Variants in AHNAK observed in about 807,000 individuals in gnomAD.
AHNAK encodes AHNAK nucleoprotein, also known as neuroblast differentiation-associated protein AHNAK.
Under a neutral mutation model 37.8 loss-of-function variants are expected in AHNAK, and 23 were observed. The observed-to-expected ratio is 0.61, with a 90% CI of 0.44 to 0.86. The LOEUF is 0.86. Among genes scored for constraint, AHNAK ranks in the 40% least tolerant of loss-of-function variants. AHNAK has a pLI of 0.00. For synonymous variants in AHNAK, 2,481 were observed against 2,636.3 expected (o/e 0.94, Z 1.80); for missense variants, 7,411 against 7,319.4 (o/e 1.01, Z -0.46).
intron 5 of AHNAK, among the ~76,000 whole-genome samples, chr11:62,435,024 A>C (rs539956196): frequency 1.3e-5 from 2 of 151,500 alleles, no homozygotes; most frequent in African/African-American, 4.8e-5. Context: ...ACTAGTCCCT[A>C]CACAAGTTTC....
rs867662124 is a variant in AHNAK, at chr11:62,459,211, G to A, written c.443-25320C>T. Among the ~76,000 whole-genome samples the A allele has an allele frequency of 3.3e-5, 5 of 152,154 alleles. No individual in the cohort carries two copies. The South Asian group carries it at 8.3e-4, about 25-fold the overall frequency. On this transcript the variant is annotated intron_variant, in intron 5 of 5. Coordinates refer to the AHNAK transcript ENST00000257247. ...CACAAATGTACTCACAGTTGAATGT[G>A]GACATGGGTGATATTTTGAGATTTC...
At position 62,543,538 on chromosome 11, in the gene AHNAK, G is replaced by A. The variant is rs147734664; in HGVS notation, c.-100+3122C>T. Reference sequence around the variant, plus strand: ...CAGTGACCTACCTAAGACTGCCAGCGACAGCTCAGCCACAGCCCTGGTGGG... The same window carrying A: ...CAGTGACCTACCTAAGACTGCCAGCAACAGCTCAGCCACAGCCCTGGTGGG... On this transcript the variant is annotated intron_variant, in intron 1 of 4. Transcript: ENST00000378024. Among the ~76,000 whole-genome samples the A allele has an allele frequency of 2.2e-3, 336 of 152,312 alleles. 1 individual carries two copies. Among genetic ancestry groups the A allele is most frequent in the African/African-American group, 7.7e-3 (319 of 41,558 alleles).
intron 4 of AHNAK, among the ~76,000 whole-genome samples, chr11:62,492,772 G>A (rs1939525465): frequency 6.6e-6 from 1 of 151,502 alleles, no homozygotes; most frequent in African/African-American, 2.4e-5. Flanking sequence ...CAGCTACTCA[G>A]GAGGCTGAGG....
chr11:62,433,827 C>T, exon 6 of AHNAK: 7 of 1,611,498 alleles, frequency 4.3e-6, no homozygotes, highest in Non-Finnish European at 5.9e-6. Flanking sequence ...GAACAATGCT[C>T]CAAAGAACGG....
intron 5 of AHNAK, among the ~76,000 whole-genome samples, chr11:62,434,758 C>T (rs1222549414): frequency 6.6e-6 from 1 of 151,954 alleles, no homozygotes; most frequent in African/African-American, 2.4e-5. Context: ...TGAAACCCTG[C>T]CTCTACTAAA....
At chr11:62,492,210 A>G (rs1939516167) in intron 4 of AHNAK, among the ~76,000 whole-genome samples, 1 of 152,200 alleles carries the variant, frequency 6.6e-6, no homozygotes, top group South Asian at 2.1e-4. Context: ...ACAATGTGTA[A>G]GAAAGGAGGG....
rs774246239 is a variant in AHNAK, at chr11:62,525,772, T to C, written c.8645A>G (p.Asp2882Gly). 1.9e-6 allele frequency: 3 copies of C among 1,613,454 alleles called. No homozygotes were observed. The South Asian group carries it at 3.3e-5, about 18-fold the overall frequency. The change falls in exon 5 of 5, where the codon GAT becomes GGT. Residue 2882 changes from aspartate to glycine, a missense_variant. By Grantham distance (94) the Asp-to-Gly change is moderately conservative. Coordinates refer to ENST00000378024, the MANE Select transcript of AHNAK (RefSeq NM_001620.3). ...KGPKVDIDVP[D>G]VNVQGPDWHL... is the part of the protein sequence containing the mutation. ...CCAGTCTGGACCCTGAACATTAACA[T>C]CTGGGACATCAATGTCCACTTTGGG...
chr11:62,482,486 C>T (rs1395228401), intron 5 of AHNAK, among the ~76,000 whole-genome samples: 1 of 152,150 alleles, frequency 6.6e-6, no homozygotes, highest in Admixed American at 6.6e-5. Context: ...TTTGCCCTTC[C>T]GTTCTCTCAA....
At chr11:62,460,180 G>C (rs994064191) in intron 5 of AHNAK, among the ~76,000 whole-genome samples, 2 of 151,794 alleles carry the variant, frequency 1.3e-5, no homozygotes, top group African/African-American at 4.8e-5. Context: ...CCAGCTACTC[G>C]GGAGGCTGAG....
At chr11:62,542,999 AAGAGCTACCCCCG>A (rs1941183427) in intron 1 of AHNAK, among the ~76,000 whole-genome samples, 2 of 152,080 alleles carry the variant, frequency 1.3e-5, no homozygotes, top group Admixed American at 1.3e-4. Context: ...TCTGTCGCTG[AAGAGCTACCCCCG>A]AGCCCCGCCA....
rs372770062 is a variant in AHNAK, at chr11:62,532,895, T to G, written c.1522A>C (p.Ser508Arg). 48 of 1,614,038 alleles carry G rather than the reference T, an allele frequency of 3.0e-5. No individual in the cohort carries two copies. Among genetic ancestry groups the G allele is most frequent in the Non-Finnish European group, 3.9e-5 (46 of 1,180,034 alleles). Reference protein sequence around the residue: ...PKISMQDVDLSLGSPKLKGDI... With the variant: ...PKISMQDVDLRLGSPKLKGDI... ...CCTTTCAGTTTAGGAGACCCAAGGC[T>G]CAGATCCACATCCTGCATGGAGATT... is the stretch of plus-strand genomic sequence containing the variant. The change falls in exon 5 of 5, where the codon AGC becomes CGC. Residue 508 changes from serine to arginine, a missense_variant. By Grantham distance (110) the Ser-to-Arg change is moderately radical (BLOSUM62 -1). Transcript: ENST00000378024.
At chr11:62,474,236 G>A (rs993522312) in intron 5 of AHNAK, among the ~76,000 whole-genome samples, 3 of 150,246 alleles carry the variant, frequency 2.0e-5, no homozygotes, top group Admixed American at 2.0e-4. Context: ...CCAGGCTGGA[G>A]TGCAGTGGCA....
intron 5 of AHNAK, among the ~76,000 whole-genome samples, chr11:62,491,502 G>A (rs985662985): frequency 2.0e-5 from 3 of 152,136 alleles, no homozygotes; most frequent in Non-Finnish European, 4.4e-5. Context: ...GAAGGAGTAC[G>A]TAATCCTTCT....
intron 5 of AHNAK, among the ~76,000 whole-genome samples, chr11:62,458,062 C>T (rs756165589): frequency 4.0e-5 from 6 of 150,904 alleles, no homozygotes; most frequent in Non-Finnish European, 7.4e-5. Flanking sequence ...TACAGGTGCC[C>T]GGCAACATGC....
At chr11:62,544,383 A>C (rs1411242055) in intron 1 of AHNAK, among the ~76,000 whole-genome samples, 1 of 150,824 alleles carries the variant, frequency 6.6e-6, no homozygotes, top group Non-Finnish European at 1.5e-5. Flanking sequence ...GTGGGCCTCC[A>C]TATCAGCCCG....
At chr11:62,487,352 C>G (rs530789117) in intron 5 of AHNAK, among the ~76,000 whole-genome samples, 1 of 152,368 alleles carries the variant, frequency 6.6e-6, no homozygotes, top group Admixed American at 6.5e-5. Context: ...TGAACCCAGG[C>G]AGTCCAGTTT....
intron 5 of AHNAK, among the ~76,000 whole-genome samples, chr11:62,456,908 C>T (rs1938670689): frequency 6.6e-6 from 1 of 152,190 alleles, no homozygotes; most frequent in Non-Finnish European, 1.5e-5. Flanking sequence ...AGGGAACAAA[C>T]AAGCCCTTTA....
chr11:62,514,200 CCA>C (rs1488190127), downstream of AHNAK, among the ~76,000 whole-genome samples: 1 of 152,120 alleles, frequency 6.6e-6, no homozygotes, highest in Non-Finnish European at 1.5e-5. Context: ...CAAGTGCACC[CCA>C]CTGTCGCACA....
At chr11:62,509,959 G>C (rs1939879212) in intron 4 of AHNAK, among the ~76,000 whole-genome samples, 1 of 152,064 alleles carries the variant, frequency 6.6e-6, no homozygotes, top group South Asian at 2.1e-4. Flanking sequence ...ACAGTTACTG[G>C]GGCAACTGGT....
Sources: gnomAD v4.1 joint callset for allele counts (sites outside exome capture counted in the v4.1 genomes callset) on GRCh38, gnomAD v4.1.1 for gene constraint, MANE v1.5 for transcripts, NCBI Gene and HGNC (gene_info 2026-07-23, HGNC 2026-07-21) for gene names.